ABCC1: variants seen among roughly 807,000 people sequenced by gnomAD.
The protein encoded by ABCC1 is multidrug resistance-associated protein 1.
A neutral mutation model predicts 172.9 loss-of-function variants in ABCC1; 83 were observed. That is an observed-to-expected ratio of 0.48 (90% confidence interval 0.40 to 0.58). The LOEUF is 0.58. Ranked by LOEUF, ABCC1 falls within the 20% of genes least tolerant of loss-of-function variation. The pLI, the probability that ABCC1 is intolerant of heterozygous loss-of-function variation, is 0.00. For synonymous variants in ABCC1, 937 were observed against 825.2 expected, an observed-to-expected ratio of 1.14 and a Z score of -2.32; for missense variants, 1,817 against 2,002.7, an observed-to-expected ratio of 0.91 and a Z score of 1.77.
Position 16,086,860 on chromosome 16 carries a change from A to G in ABCC1, c.2329A>G (p.Ser777Gly). 1 of 1,614,112 alleles carries G rather than the reference A, an allele frequency of 6.2e-7. No homozygotes were observed. Among genetic ancestry groups the G allele is most frequent in the Non-Finnish European group, 8.5e-7 (1 of 1,180,044 alleles). Residue 777 changes from serine to glycine, a missense_variant, in exon 18 of 31, where the codon AGC becomes GGC. Coordinates refer to ENST00000399410, the MANE Select transcript of ABCC1 (RefSeq NM_004996.4). ...NLSGGQKQRV[S>G]LARAVYSNAD... ...GTCTGGGGGCCAGAAGCAGCGCGTG[A>G]GCCTGGCCCGGGCCGTGTACTCCAA...
At chr16:16,095,612 C>T (rs1055841090) in intron 19 of ABCC1, among the ~76,000 whole-genome samples, 1 of 152,232 alleles carries the variant, frequency 6.6e-6, no homozygotes, top group Admixed American at 6.5e-5. Context: ...CTGCTGAATT[C>T]TTCCCTTGTC....
At chr16:16,042,174 T>G (rs1281401963) in intron 7 of ABCC1, among the ~76,000 whole-genome samples, 1 of 49,810 alleles carries the variant, frequency 2.0e-5, no homozygotes, top group East Asian at 6.4e-4. Flanking sequence ...AGTTTGGCAG[T>G]TTTTTTTTTT....
At chr16:16,099,310 C>A (rs1473979180) in intron 19 of ABCC1, among the ~76,000 whole-genome samples, 1 of 152,176 alleles carries the variant, frequency 6.6e-6, no homozygotes, top group African/African-American at 2.4e-5. Context: ...TGGGCCCAGA[C>A]AATGCAGGGT....
At chr16:15,993,226 A>G (rs1442443078) in intron 1 of ABCC1, among the ~76,000 whole-genome samples, 1 of 152,180 alleles carries the variant, frequency 6.6e-6, no homozygotes. Flanking sequence ...CAGTCATCGA[A>G]TGATAGATTG....
At chr16:16,068,380 G>A in intron 13 of ABCC1, 78 bp downstream of exon 13, 1 of 1,551,000 alleles carries the variant, frequency 6.4e-7, no homozygotes, top group Non-Finnish European at 8.8e-7. Context: ...GTGCCCCCGA[G>A]CGCAGCCTCT....
intron 1 of ABCC1, among the ~76,000 whole-genome samples, chr16:15,976,724 T>A (rs1054325242): frequency 2.0e-5 from 3 of 152,210 alleles, no homozygotes; most frequent in African/African-American, 7.2e-5. Flanking sequence ...ATAGTAGTGA[T>A]AATACTATGG....
intron 6 of ABCC1, among the ~76,000 whole-genome samples, chr16:16,034,081 G>A (rs903028830): frequency 7.5e-6 from 1 of 133,690 alleles, no homozygotes; most frequent in Non-Finnish European, 1.5e-5. Flanking sequence ...AGGCTGGAGT[G>A]CAGCGGCACA....
intron 1 of ABCC1, among the ~76,000 whole-genome samples, chr16:15,999,555 C>T (rs986853055): frequency 6.6e-6 from 1 of 151,150 alleles, no homozygotes; most frequent in Non-Finnish European, 1.5e-5. Flanking sequence ...GCAGAGATTG[C>T]GGTGAGCTGA....
Position 16,086,999 on chromosome 16 carries a change from C to G in ABCC1, c.2460+8C>G. The G allele has an allele frequency of 6.2e-7, 1 of 1,614,016 alleles. No homozygotes were observed. On this transcript the variant is annotated splice_region_variant and intron_variant, in intron 18 of 30. Coordinates refer to ENST00000399410, the MANE Select transcript of ABCC1 (RefSeq NM_004996.4). Reference sequence around the variant, plus strand: ...GGGATGCTGAAGAACAAGGTGCCTGCTGGCGGGGTGGGGCTTGGTGTTGGG... The same window carrying G: ...GGGATGCTGAAGAACAAGGTGCCTGGTGGCGGGGTGGGGCTTGGTGTTGGG...
At chr16:15,953,197 C>G (rs1207095173) in intron 1 of ABCC1, among the ~76,000 whole-genome samples, 1 of 151,108 alleles carries the variant, frequency 6.6e-6, no homozygotes, top group Non-Finnish European at 1.5e-5. Flanking sequence ...TTAGCTGGGC[C>G]TGGTGATTCA....
intron 27 of ABCC1, among the ~76,000 whole-genome samples, chr16:16,132,940 C>T (rs187641963): frequency 2.6e-5 from 4 of 152,144 alleles, no homozygotes; most frequent in African/African-American, 4.8e-5. Context: ...AATCCTCCCC[C>T]GCCTGGCTCT....
intron 3 of ABCC1, among the ~76,000 whole-genome samples, chr16:16,013,270 G>GTTTT (rs35420214): frequency 4.8e-5 from 7 of 145,792 alleles, no homozygotes; most frequent in Non-Finnish European, 4.5e-5. Context: ...GCCAGCACAT[G>GTTTT]TTTTTTTTTT....
At chr16:15,951,040 C>G (rs1402564547) in intron 1 of ABCC1, among the ~76,000 whole-genome samples, 3 of 152,122 alleles carry the variant, frequency 2.0e-5, no homozygotes, top group African/African-American at 4.8e-5. Context: ...GGAAATAGAA[C>G]ACAGACTTTG....
intron 1 of ABCC1, among the ~76,000 whole-genome samples, chr16:15,958,270 TTATTTTTG>T (rs2046047047): frequency 6.6e-6 from 1 of 152,010 alleles, no homozygotes; most frequent in Non-Finnish European, 1.5e-5. Context: ...CACACTCGGC[TTATTTTTG>T]TATTTTTAGT....
intron 12 of ABCC1, among the ~76,000 whole-genome samples, chr16:16,056,954 G>A (rs952811777): frequency 6.6e-6 from 1 of 152,076 alleles, no homozygotes; most frequent in Non-Finnish European, 1.5e-5. Flanking sequence ...GTGGTGCTGC[G>A]TCCTTATTTT....
intron 22 of ABCC1, 55 bp from the exon 23 acceptor site, chr16:16,114,711 G>T (rs1291674304): frequency 6.6e-7 from 1 of 1,525,678 alleles, no homozygotes; most frequent in Non-Finnish European, 8.8e-7. Flanking sequence ...CCTCCCTGCA[G>T]TGCCTGGTCA....
intron 14 of ABCC1, among the ~76,000 whole-genome samples, chr16:16,074,947 CT>C (rs71137910): frequency 0.099 from 12,775 of 128,886 alleles, 573 homozygotes; most frequent in African/African-American, 0.17. Context: ...TTTTCTTTTT[CT>C]TTTTTTTTTT....
chr16:16,141,838 C>G lies in ABCC1; in HGVS notation c.*557C>G, dbSNP rs2046136758. ...TCATTTTCTCCCCTTGGCAGTGTCC[C>G]AGGGCCCTGGATGGTCCTCTTACCA... On this transcript the variant is annotated 3_prime_UTR_variant, in exon 31 of 31. Transcript: ENST00000399410. 6.5e-6 allele frequency: 1 copy of G among 153,758 alleles called. No homozygotes were observed. Among genetic ancestry groups the G allele is most frequent in the South Asian group, 2.1e-4 (1 of 4,858 alleles). The allele number at this position is 153,758 out of a possible 1,614,324, so 9.5% of individuals were successfully genotyped here.
chr16:15,964,030 G>C (rs1425682641), intron 1 of ABCC1, among the ~76,000 whole-genome samples: 1 of 151,136 alleles, frequency 6.6e-6, no homozygotes, highest in East Asian at 1.9e-4. Flanking sequence ...TGCAACCTCT[G>C]CCTCCTGGGT....
Sources: gnomAD v4.1 joint callset for allele counts (sites outside exome capture counted in the v4.1 genomes callset) on GRCh38, gnomAD v4.1.1 for gene constraint, MANE v1.5 for transcripts, NCBI Gene and HGNC (gene_info 2026-07-23, HGNC 2026-07-21) for gene names.